Variants in WIPF2 observed in about 807,000 individuals in gnomAD.
The protein encoded by WIPF2 is WAS/WASL-interacting protein family member 2.
Under a neutral mutation model 38.8 loss-of-function variants are expected in WIPF2, and 23 were observed. The ratio of observed to expected loss-of-function variants is 0.59; its 90% CI spans 0.43 to 0.84. The LOEUF is 0.84. Among genes scored for constraint, WIPF2 ranks in the 40% least tolerant of loss-of-function variants. The pLI is 0.00. For synonymous variants in WIPF2, 210 were observed against 223.2 expected, an observed-to-expected ratio of 0.94 and a Z score of 0.53; for missense variants, 574 against 580.5, an observed-to-expected ratio of 0.99 and a Z score of 0.11.
Position 40,222,654 on chromosome 17 carries a change from G to GTTTTTT in WIPF2, c.-70+3190_-70+3195dup, listed in dbSNP as rs58758484. Among the ~76,000 whole-genome samples the GTTTTTT allele has an allele frequency of 1.1e-4, 6 of 52,854 alleles. 1 individual carries two copies. The highest frequency in any genetic ancestry group is 1.4e-4 in the Non-Finnish European group (4 of 28,076). The allele number at this position is 52,854 out of a possible 152,430, so 34.7% of individuals were successfully genotyped here. On this transcript the variant is annotated intron_variant, in intron 1 of 7. Transcript: ENST00000323571. Reference sequence around the variant, plus strand: ...CTGGTTTTGATTTGATGCATATTCAGTTTTTTTTTTTTTTTTTTTTTTTTT... The same window carrying GTTTTTT: ...CTGGTTTTGATTTGATGCATATTCAGTTTTTTTTTTTTTTTTTTTTTTTTTTTTTTT...
At chr17:40,251,286 G>T (rs1184060281) in intron 1 of WIPF2, among the ~76,000 whole-genome samples, 3 of 151,596 alleles carry the variant, frequency 2.0e-5, no homozygotes, top group Admixed American at 1.3e-4. Context: ...AATCACAGTT[G>T]GTTAGTGAAA....
chr17:40,256,425 G>A lies in WIPF2; in HGVS notation c.-35G>A. 3.1e-6 allele frequency: 5 copies of A among 1,595,024 alleles called. No individual in the cohort carries two copies. The highest frequency in any genetic ancestry group is 4.3e-6 in the Non-Finnish European group (5 of 1,173,924). Reference sequence around the variant, plus strand: ...TGACCTAAAGGTACAAATAAAGACGGAGAGAGAACAGTGCCAACTGGGAGC... The same window carrying A: ...TGACCTAAAGGTACAAATAAAGACGAAGAGAGAACAGTGCCAACTGGGAGC... On this transcript the variant is annotated 5_prime_UTR_variant, in exon 2 of 8. Transcript: ENST00000323571.
intron 1 of WIPF2, among the ~76,000 whole-genome samples, chr17:40,238,602 C>CTTAT (rs1369905385): frequency 7.9e-5 from 12 of 151,660 alleles, no homozygotes; most frequent in Admixed American, 5.3e-4. Context: ...TGCACCTGCC[C>CTTAT]TTATTTATTT....
rs1177802010 is a variant in WIPF2, at chr17:40,260,520, T to G, written c.64-15T>G. 2.5e-6 allele frequency: 4 copies of G among 1,613,122 alleles called. No individual in the cohort carries two copies. The highest frequency in any genetic ancestry group is 3.4e-6 in the Non-Finnish European group (4 of 1,179,512). On this transcript the variant is annotated splice_polypyrimidine_tract_variant and intron_variant, in intron 2 of 7. Transcript: ENST00000323571. Reference sequence around the variant, plus strand: ...GAACTCTTTAGGGTGAACTTATATTTCTCTTATCCTCCAGGCAAACACAGA... The same window carrying G: ...GAACTCTTTAGGGTGAACTTATATTGCTCTTATCCTCCAGGCAAACACAGA...
chr17:40,275,269 C>G (rs906476079), intron 6 of WIPF2, among the ~76,000 whole-genome samples: 3 of 150,670 alleles, frequency 2.0e-5, no homozygotes, highest in Non-Finnish European at 3.0e-5. Context: ...AAACAAAACC[C>G]AAAACATTAC....
chr17:40,261,137 A>G (rs1714414509), intron 3 of WIPF2, among the ~76,000 whole-genome samples: 1 of 152,038 alleles, frequency 6.6e-6, no homozygotes, highest in Non-Finnish European at 1.5e-5. Flanking sequence ...CATTCCTGGA[A>G]ACCTCTTGAC....
intron 6 of WIPF2, among the ~76,000 whole-genome samples, chr17:40,275,240 CAAAA>C (rs58914738): frequency 5.0e-5 from 3 of 60,206 alleles, no homozygotes; most frequent in Non-Finnish European, 3.4e-5. Flanking sequence ...GACTCCGTCT[CAAAA>C]AAAAAAAAAA....
chr17:40,253,055 C>T (rs377164974), intron 1 of WIPF2, among the ~76,000 whole-genome samples: 2 of 151,054 alleles, frequency 1.3e-5, no homozygotes, highest in African/African-American at 2.4e-5. Context: ...CATTAGCCAC[C>T]GCGCCTGGAC....
chr17:40,223,587 ATT>A lies in WIPF2; in HGVS notation c.-70+4103_-70+4104del, dbSNP rs200826572. Among the ~76,000 whole-genome samples the A allele has an allele frequency of 5.0e-4, 72 of 143,780 alleles. 1 individual carries two copies. The East Asian group carries it at 8.1e-3, about 16-fold the overall frequency. The allele number at this position is 143,780 out of a possible 152,430, so 94.3% of individuals were successfully genotyped here. A position where few individuals can be genotyped will look rare whatever the true frequency, so the allele number is the denominator to read the frequency against. On this transcript the variant is annotated intron_variant, in intron 1 of 7. Coordinates refer to ENST00000323571, the MANE Select transcript of WIPF2 (RefSeq NM_133264.5). ...GAAGTCTTGTTCTGTTGAAGAGAAAATTTTTTTTTGGGTTTTTTTTTTTTTTT... is the reference window on the plus strand; with the variant it reads ...GAAGTCTTGTTCTGTTGAAGAGAAAATTTTTTTGGGTTTTTTTTTTTTTTT...
At chr17:40,223,704 A>T (rs2030353544) in intron 1 of WIPF2, among the ~76,000 whole-genome samples, 1 of 149,192 alleles carries the variant, frequency 6.7e-6, no homozygotes, top group African/African-American at 2.5e-5. Context: ...GGTTCAAGCG[A>T]TTCTCCTGCC....
At chr17:40,276,827 A>G (rs1378855278) in intron 6 of WIPF2, among the ~76,000 whole-genome samples, 1 of 152,140 alleles carries the variant, frequency 6.6e-6, no homozygotes, top group Non-Finnish European at 1.5e-5. Flanking sequence ...GAGACTGTCA[A>G]AAAATAAATA....
At chr17:40,264,258 A>G (rs1383483999) in intron 4 of WIPF2, among the ~76,000 whole-genome samples, 2 of 142,828 alleles carry the variant, frequency 1.4e-5, no homozygotes, top group African/African-American at 2.6e-5. Context: ...ACTTGAACCC[A>G]GAGGTTGCAG....
At chr17:40,239,170 C>T (rs2031092645) in intron 1 of WIPF2, among the ~76,000 whole-genome samples, 1 of 151,750 alleles carries the variant, frequency 6.6e-6, no homozygotes, top group Admixed American at 6.6e-5. Flanking sequence ...CTCCCAGGTT[C>T]ACGCCATTCT....
chr17:40,269,990 C>G (rs1379931415), intron 5 of WIPF2, among the ~76,000 whole-genome samples: 1 of 152,080 alleles, frequency 6.6e-6, no homozygotes, highest in African/African-American at 2.4e-5. Context: ...ATTACAAAAG[C>G]CTGTCTCCCA....
intron 1 of WIPF2, among the ~76,000 whole-genome samples, chr17:40,238,748 G>A (rs1391305658): frequency 1.3e-5 from 2 of 151,916 alleles, no homozygotes; most frequent in Non-Finnish European, 2.9e-5. Flanking sequence ...CGAGTAGCTG[G>A]GATTATAGGC....
intron 1 of WIPF2, among the ~76,000 whole-genome samples, chr17:40,239,275 G>A (rs1374667594): frequency 6.6e-6 from 1 of 150,972 alleles, no homozygotes; most frequent in Non-Finnish European, 1.5e-5. Context: ...GTTTCACTGT[G>A]TTAGCCAGGA....
intron 1 of WIPF2, among the ~76,000 whole-genome samples, chr17:40,246,035 C>T (rs1423890848): frequency 1.3e-5 from 2 of 151,620 alleles, no homozygotes; most frequent in African/African-American, 4.9e-5. Context: ...CATGTTGATC[C>T]ATTCCTTGCT....
rs540294410 is a variant in WIPF2 at position 40,276,893 on chromosome 17, G to A, written c.1181-190G>A. 1.6e-3 allele frequency among the ~76,000 whole-genome samples: 249 copies of A among 151,372 alleles called. 1 individual carries two copies. Among genetic ancestry groups the A allele is most frequent in the Non-Finnish European group, 2.5e-3 (169 of 67,990 alleles). ...TAGTACAGAGAGGTTTTGAATACAT[G>A]CTCTGTGCATGCAAGGCACGTGGGG... On this transcript the variant is annotated intron_variant, in intron 6 of 7. Coordinates refer to ENST00000323571, the MANE Select transcript of WIPF2 (RefSeq NM_133264.5).
Position 40,222,904 on chromosome 17 carries a change from C to G in WIPF2, c.-70+3412C>G, listed in dbSNP as rs577379436. On this transcript the variant is annotated intron_variant, in intron 1 of 7. Coordinates refer to ENST00000323571, the MANE Select transcript of WIPF2 (RefSeq NM_133264.5). ...CAGGCTGGTCTCGAACTCCTGACTT[C>G]AGGTGATCCACCCACCTCGGCCTCC... Among the ~76,000 whole-genome samples the G allele has an allele frequency of 1.2e-3, 179 of 149,260 alleles. 1 individual carries two copies. The highest frequency in any genetic ancestry group is 4.7e-3 in the South Asian group (22 of 4,712).
Sources: gnomAD v4.1 joint callset for allele counts (sites outside exome capture counted in the v4.1 genomes callset) on GRCh38, gnomAD v4.1.1 for gene constraint, MANE v1.5 for transcripts, NCBI Gene and HGNC (gene_info 2026-07-23, HGNC 2026-07-21) for gene names.